The following MALRD1 variants were observed in gnomAD, a reference collection of about 807,000 sequenced individuals.
The protein encoded by MALRD1 is MAM and LDL-receptor class A domain-containing protein 1.
A neutral mutation model predicts 242.1 loss-of-function variants in MALRD1; 247 were observed. That is an observed-to-expected ratio of 1.02 (90% CI 0.92 to 1.13). The LOEUF is 1.13. MALRD1 is among the 50% of genes most tolerant of loss of function. MALRD1 has a pLI of 0.00. For synonymous variants in MALRD1, 995 were observed against 866.6 expected (o/e 1.15, Z -2.60); for missense variants, 2,989 against 2,533.1 (o/e 1.18, Z -3.86).
Position 19,500,039 on chromosome 10 carries a change from CTG to C in MALRD1, c.5320+1397_5320+1398del, listed in dbSNP as rs763021189. Among the ~76,000 whole-genome samples, 47 of 152,140 alleles carry C rather than the reference CTG, an allele frequency of 3.1e-4. No individual in the cohort carries two copies. In the Middle Eastern group the frequency reaches 0.01, roughly 33 times the overall value. On this transcript the variant is annotated intron_variant, in intron 31 of 39. Transcript: ENST00000454679. ...AGTATTTTGTTGAGGATTTTTGTGT[CTG>C]TGTTTATCAGGGATATTGGCCTGTA...
rs191115398 is a variant in MALRD1, at chr10:19,331,523, A to G, written c.3842A>G (p.Lys1281Arg). 2.4e-5 allele frequency: 37 copies of G among 1,550,330 alleles called. No individual in the cohort carries two copies. In the African/African-American group the frequency reaches 4.9e-4, roughly 21 times the overall value. The change falls in exon 24 of 40, where the codon AAG becomes AGG. Residue 1281 changes from lysine to arginine, a missense_variant. Coordinates refer to ENST00000454679, the MANE Select transcript of MALRD1 (RefSeq NM_001142308.3). ...AATAAGCACTGCATTGCCAAAGACA[A>G]GCTGTGTGATTTTGTGAATGATTGT... ...CANKHCIAKD[K>R]LCDFVNDCAD...
In MALRD1 at chr10:19,450,503, A is replaced by G. The variant is rs1343371253; in HGVS notation, c.5029+13A>G. 1 of 1,535,964 alleles carries G rather than the reference A, an allele frequency of 6.5e-7. No individual in the cohort carries two copies. The highest frequency in any genetic ancestry group is 8.8e-7 in the Non-Finnish European group (1 of 1,140,100). ...AACTGCACAACTGGTAAGTTTCCAG[A>G]AAGCACTTCCATTTGGAAGCACATT... On this transcript the variant is annotated intron_variant, in intron 29 of 39. Transcript: ENST00000454679.
At chr10:19,729,931 GT>G (rs1486410194) in intron 38 of MALRD1, among the ~76,000 whole-genome samples, 5 of 151,384 alleles carry the variant, frequency 3.3e-5, no homozygotes, top group Non-Finnish European at 7.4e-5. Context: ...TAGAGACGGG[GT>G]TTCACCGTGT....
intron 38 of MALRD1, among the ~76,000 whole-genome samples, chr10:19,695,440 G>T (rs1383485868): frequency 6.6e-6 from 1 of 151,662 alleles, no homozygotes; most frequent in African/African-American, 2.4e-5. Context: ...AAGTTTAATG[G>T]ACTCACAGTT....
chr10:19,184,091 G>A (rs1221209861), intron 14 of MALRD1, among the ~76,000 whole-genome samples: 1 of 152,184 alleles, frequency 6.6e-6, no homozygotes, highest in Non-Finnish European at 1.5e-5. Context: ...GTGAATCACT[G>A]TTGGATGTAA....
At chr10:19,207,678 T>C (rs2131624501) in intron 17 of MALRD1, among the ~76,000 whole-genome samples, 1 of 152,198 alleles carries the variant, frequency 6.6e-6, no homozygotes, top group African/African-American at 2.4e-5. Flanking sequence ...TTTGTTTGTA[T>C]TTTTAGTAGA....
chr10:19,575,876 T>C (rs1015331846), intron 33 of MALRD1, among the ~76,000 whole-genome samples: 2 of 152,206 alleles, frequency 1.3e-5, no homozygotes, highest in African/African-American at 4.8e-5. Context: ...AACTGATATA[T>C]CTAATTTACT....
At chr10:19,510,502 A>G (rs1036679407) in intron 31 of MALRD1, among the ~76,000 whole-genome samples, 1 of 152,222 alleles carries the variant, frequency 6.6e-6, no homozygotes, top group African/African-American at 2.4e-5. Context: ...ACTTGAGAGT[A>G]GGGAGTGGTG....
intron 12 of MALRD1, among the ~76,000 whole-genome samples, chr10:19,164,726 G>A (rs1197292937): frequency 6.6e-6 from 1 of 152,098 alleles, no homozygotes; most frequent in Non-Finnish European, 1.5e-5. Context: ...AATATTGGTT[G>A]AATCAATAAC....
intron 39 of MALRD1, 49 bp downstream of exon 39, chr10:19,730,830 A>G (rs1835264796): frequency 7.1e-7 from 1 of 1,415,264 alleles, no homozygotes; most frequent in Admixed American, 2.0e-5. Context: ...GCACACACAT[A>G]CAAACACACA....
chr10:19,346,500 G>A (rs1202665014), intron 24 of MALRD1, among the ~76,000 whole-genome samples: 2 of 152,062 alleles, frequency 1.3e-5, no homozygotes, highest in Non-Finnish European at 2.9e-5. Context: ...TTCTTTTCAA[G>A]TATTTTTAAT....
chr10:19,474,378 T>G (rs1836633754), intron 29 of MALRD1, among the ~76,000 whole-genome samples: 1 of 152,112 alleles, frequency 6.6e-6, no homozygotes, highest in South Asian at 2.1e-4. Flanking sequence ...GAGATTTGAG[T>G]AAAAGTGTCC....
intron 18 of MALRD1, among the ~76,000 whole-genome samples, chr10:19,238,468 A>ATAATGTATATT (rs373763200): frequency 2.6e-5 from 1 of 38,066 alleles, no homozygotes; most frequent in African/African-American, 1.6e-4. Context: ...TATATAATAT[A>ATAATGTATATT]ATATATAATA....
intron 21 of MALRD1, among the ~76,000 whole-genome samples, chr10:19,306,382 T>A (rs1842203644): frequency 9.9e-6 from 1 of 100,914 alleles, no homozygotes; most frequent in African/African-American, 3.7e-5. Flanking sequence ...ATACCGTGTA[T>A]AGTATATATA....
chr10:19,705,349 A>G (rs922268312), intron 38 of MALRD1, among the ~76,000 whole-genome samples: 2 of 152,174 alleles, frequency 1.3e-5, no homozygotes, highest in Non-Finnish European at 2.9e-5. Flanking sequence ...GGTCCCAGAA[A>G]TACTTAGCCT....
intron 5 of MALRD1, among the ~76,000 whole-genome samples, chr10:19,115,719 T>C (rs1028929299): frequency 6.6e-6 from 1 of 151,966 alleles, no homozygotes; most frequent in Non-Finnish European, 1.5e-5. Context: ...CTACTAAAAA[T>C]ATAAAAATTA....
At chr10:19,279,993 A>T in intron 19 of MALRD1, 54 bp from the exon 20 acceptor site, 2 of 1,341,440 alleles carry the variant, frequency 1.5e-6, no homozygotes, top group Non-Finnish European at 2.0e-6. Flanking sequence ...TCTCTAAAGC[A>T]GTAGAAAACC....
intron 1 of MALRD1, among the ~76,000 whole-genome samples, chr10:19,066,516 A>G (rs1184952502): frequency 2.6e-5 from 4 of 152,170 alleles, no homozygotes; most frequent in Non-Finnish European, 5.9e-5. Flanking sequence ...TTCTATTAGA[A>G]CACACTGTTT....
At chr10:19,244,093 C>G (rs1371682745) in intron 18 of MALRD1, among the ~76,000 whole-genome samples, 2 of 152,022 alleles carry the variant, frequency 1.3e-5, no homozygotes, top group African/African-American at 4.8e-5. Context: ...ATATCCGAAA[C>G]TAAGATCCAG....
Sources: gnomAD v4.1 joint callset for allele counts (sites outside exome capture counted in the v4.1 genomes callset) on GRCh38, gnomAD v4.1.1 for gene constraint, MANE v1.5 for transcripts, NCBI Gene and HGNC (gene_info 2026-07-23, HGNC 2026-07-21) for gene names.